SSUH2: variants seen among roughly 807,000 people sequenced by gnomAD.
SSUH2 encodes the protein protein SSUH2 homolog.
A neutral mutation model predicts 55.3 loss-of-function variants in SSUH2; 47 were observed. That is an observed-to-expected ratio of 0.85 (90% CI 0.67 to 1.08). The LOEUF (loss-of-function observed/expected upper bound fraction) is 1.08, where lower values mean the gene tolerates loss of function less well. Among genes scored for constraint, SSUH2 ranks in the 50% least tolerant of loss-of-function variants. The pLI is 0.00. For missense variants in SSUH2, 535 were observed against 490.7 expected, an observed-to-expected ratio of 1.09 and a Z score of -0.85; for synonymous variants, 212 against 191.5, an observed-to-expected ratio of 1.11 and a Z score of -0.89.
At chr3:8,631,064 T>G in intron 5 of SSUH2, 135 bp from the exon 6 acceptor site, 39 of 929,218 alleles carry the variant, frequency 4.2e-5, no homozygotes, top group Non-Finnish European at 5.6e-5. Context: ...GGATGGATAG[T>G]CAAGGCCTTC....
Position 8,675,725 on chromosome 3 carries a change from T to G in SSUH2, c.-753+1481A>C, listed in dbSNP as rs535123304. On this transcript the variant is annotated intron_variant, in intron 3 of 18. Coordinates refer to the SSUH2 transcript ENST00000317371. ...TTGCAGTACTAGCCAAGCCTTTGCATGAGGTCACAAAGGGGGCTGGGACCG... is the reference window on the plus strand; with the variant it reads ...TTGCAGTACTAGCCAAGCCTTTGCAGGAGGTCACAAAGGGGGCTGGGACCG... 3.9e-5 allele frequency among the ~76,000 whole-genome samples: 6 copies of G among 152,164 alleles called. 1 individual carries two copies. The East Asian group carries it at 1.2e-3, about 30-fold the overall frequency.
intron 6 of SSUH2, 110 bp from the exon 7 acceptor site, chr3:8,629,836 A>T (rs1698408485): frequency 9.9e-7 from 1 of 1,007,518 alleles, no homozygotes; most frequent in South Asian, 1.3e-5. Context: ...CAGGATAGGA[A>T]GATGGCACAG....
At chr3:8,634,244 A>T in intron 3 of SSUH2, 1 of 609,936 alleles carries the variant, frequency 1.6e-6, no homozygotes, top group Non-Finnish European at 2.5e-6. Flanking sequence ...GACCCCAGCC[A>T]GGCACTGGCC....
chr3:8,660,980 G>C (rs1703423290), intron 6 of SSUH2, among the ~76,000 whole-genome samples: 1 of 152,210 alleles, frequency 6.6e-6, no homozygotes, highest in Non-Finnish European at 1.5e-5. Flanking sequence ...CAGGCTGCCA[G>C]GACAGTGAGC....
At chr3:8,665,039 C>A (rs1202798568) in intron 5 of SSUH2, among the ~76,000 whole-genome samples, 1 of 152,186 alleles carries the variant, frequency 6.6e-6, no homozygotes, top group Non-Finnish European at 1.5e-5. Context: ...GCTGTCTACA[C>A]CCACTTCTTT....
Position 8,679,723 on chromosome 3 carries a change from T to G in SSUH2, c.-919A>C, listed in dbSNP as rs893107044. ...GACCCACCTGGAGGACTGTGGGTAT[T>G]AGGTGTCTAAGAAGAAAGCTCAGAT... On this transcript the variant is annotated 5_prime_UTR_variant, in exon 2 of 19. Coordinates refer to the SSUH2 transcript ENST00000317371. 8 of 186,158 alleles carry G rather than the reference T, an allele frequency of 4.3e-5. No individual in the cohort carries two copies. The Admixed American group carries it at 5.2e-4, about 12-fold the overall frequency. The allele number at this position is 186,158 out of a possible 1,614,324, so 11.5% of individuals were successfully genotyped here.
intron 7 of SSUH2, among the ~76,000 whole-genome samples, chr3:8,658,509 C>A (rs558450586): frequency 5.3e-5 from 8 of 152,324 alleles, no homozygotes; most frequent in Admixed American, 4.6e-4. Context: ...CTGGGTGGGG[C>A]AGGTGCGTAA....
intron 1 of SSUH2, among the ~76,000 whole-genome samples, chr3:8,640,362 C>A (rs1700624475): frequency 6.6e-6 from 1 of 152,016 alleles, no homozygotes; most frequent in Non-Finnish European, 1.5e-5. Flanking sequence ...CAAGTACTTC[C>A]TAGCAAGACC....
At position 8,620,849 on chromosome 3, in the gene SSUH2, C is replaced by T. The variant is rs143138351; in HGVS notation, c.982-835G>A. Among the ~76,000 whole-genome samples the T allele has an allele frequency of 1.6e-4, 25 of 152,324 alleles. No individual in the cohort carries two copies. The East Asian group carries it at 4.2e-3, about 26-fold the overall frequency. On this transcript the variant is annotated intron_variant, in intron 11 of 11. Coordinates refer to ENST00000544814, the MANE Select transcript of SSUH2 (RefSeq NM_001256748.3). The stretch of plus-strand genomic sequence containing the variant: ...TCAAATTTTAAGATAAAACATTGAC[C>T]CCGAAGACATTTGAAAGCTTAGTTG...
intron 11 of SSUH2, among the ~76,000 whole-genome samples, chr3:8,621,835 G>T (rs576611964): frequency 2.0e-5 from 3 of 152,298 alleles, no homozygotes; most frequent in East Asian, 3.9e-4. Flanking sequence ...CAATGTCAGT[G>T]CTCAGAAGGC....
At chr3:8,674,558 C>T (rs1216715852) in intron 3 of SSUH2, among the ~76,000 whole-genome samples, 1 of 152,178 alleles carries the variant, frequency 6.6e-6, no homozygotes, top group African/African-American at 2.4e-5. Flanking sequence ...AGGCTCTTGA[C>T]ATCACCGGAG....
intron 5 of SSUH2, among the ~76,000 whole-genome samples, chr3:8,668,134 A>G (rs1704162496): frequency 6.6e-6 from 1 of 152,114 alleles, no homozygotes. Context: ...GAGAGTTAAC[A>G]TTATTAAAAA....
chr3:8,623,547 A>C lies in SSUH2; in HGVS notation c.981+2T>G, dbSNP rs371571160. 6.5e-7 allele frequency: 1 copy of C among 1,541,162 alleles called. No individual in the cohort carries two copies. The highest frequency in any genetic ancestry group is 1.4e-5 in the African/African-American group (1 of 72,876). On this transcript the variant is annotated splice_donor_variant, in intron 11 of 11. Coordinates refer to ENST00000544814, the MANE Select transcript of SSUH2 (RefSeq NM_001256748.3). LOFTEE classifies it high-confidence loss of function. ...CCAGATGGCCCCTCCGCCCTGGCTC[A>C]CCTGCTGCAGGACGCGGGCACGGGA...
Position 8,681,147 on chromosome 3 carries a change from A to G in SSUH2, c.-1046+744T>C, listed in dbSNP as rs577474012. ...AGCCCCTCTTCCCCCCCTGCCTCTT[A>G]GGACTTCCATAGCAGGGGGGGGAGT... On this transcript the variant is annotated intron_variant, in intron 1 of 18. Transcript: ENST00000317371. 2.8e-4 allele frequency among the ~76,000 whole-genome samples: 34 copies of G among 122,984 alleles called. 1 individual carries two copies. Among genetic ancestry groups the G allele is most frequent in the Non-Finnish European group, 5.1e-4 (29 of 56,584 alleles). 80.7% of individuals were successfully genotyped at this position (122,984 alleles called of 152,430 possible).
chr3:8,635,311 G>T lies in SSUH2; in HGVS notation c.198C>A (p.Phe66Leu). The T allele has an allele frequency of 1.3e-6, 2 of 1,535,602 alleles. No individual in the cohort carries two copies. The highest frequency in any genetic ancestry group is 1.7e-6 in the Non-Finnish European group (2 of 1,146,550). ...AACCTGAAACTCACCTGTGTTCCAG[G>T]AACGAGGGCCAGGACCTTTGCTCCT... ...RPQEQRSWPSFLEHRVPAMTE... is the reference protein window; with the variant it reads ...RPQEQRSWPSLLEHRVPAMTE... Residue 66 changes from phenylalanine (F) to leucine (L), a missense_variant, in exon 3 of 12, where the codon TTC becomes TTA. Coordinates refer to ENST00000544814, the MANE Select transcript of SSUH2 (RefSeq NM_001256748.3).
intron 10 of SSUH2, among the ~76,000 whole-genome samples, chr3:8,624,089 G>A (rs896436803): frequency 6.6e-6 from 1 of 152,188 alleles, no homozygotes; most frequent in East Asian, 1.9e-4. Flanking sequence ...AAGCCCAGGC[G>A]CTTGCACTCA....
intron 7 of SSUH2, among the ~76,000 whole-genome samples, chr3:8,652,667 C>T (rs926467735): frequency 1.3e-5 from 2 of 152,218 alleles, no homozygotes; most frequent in South Asian, 2.1e-4. Context: ...TTAGCCCTCA[C>T]ATGTTTTCCC....
chr3:8,671,500 G>A (rs1704559434), intron 4 of SSUH2, among the ~76,000 whole-genome samples: 1 of 151,356 alleles, frequency 6.6e-6, no homozygotes, highest in South Asian at 2.1e-4. Context: ...AACGGAACCT[G>A]CCCCGTGTGA....
At chr3:8,631,245 G>A (rs927672596) in intron 5 of SSUH2, among the ~76,000 whole-genome samples, 3 of 152,066 alleles carry the variant, frequency 2.0e-5, no homozygotes, top group Non-Finnish European at 2.9e-5. Context: ...CATACAAGAT[G>A]GTAGTGAAAA....
Sources: gnomAD v4.1 joint callset for allele counts (sites outside exome capture counted in the v4.1 genomes callset) on GRCh38, gnomAD v4.1.1 for gene constraint, MANE v1.5 for transcripts, NCBI Gene and HGNC (gene_info 2026-07-23, HGNC 2026-07-21) for gene names.